CENPW: variants seen among roughly 807,000 people sequenced by gnomAD.
CENPW encodes centromere protein W.
CENPW carries 3 observed loss-of-function variants against 11.1 expected under a neutral mutation model. The observed-to-expected ratio is 0.27, with a 90% CI of 0.12 to 0.70. The LOEUF (loss-of-function observed/expected upper bound fraction) is 0.70, where lower values mean the gene tolerates loss of function less well. Ranked by LOEUF, CENPW falls within the 30% of genes least tolerant of loss-of-function variation. The pLI is 0.77. For synonymous variants in CENPW, 38 were observed against 42.0 expected, an observed-to-expected ratio of 0.91 and a Z score of 0.37; for missense variants, 100 against 105.6, an observed-to-expected ratio of 0.95 and a Z score of 0.23.
At chr6:126,417,694 C>T in the CENPW span, among the ~76,000 whole-genome samples, 2 of 152,168 alleles carry the variant, frequency 1.3e-5, no homozygotes, top group African/African-American at 4.8e-5. Flanking sequence ...CCTCCCCAGT[C>T]ACTTGGAACA....
chr6:126,477,392 A>G, the CENPW span, among the ~76,000 whole-genome samples: 5 of 152,034 alleles, frequency 3.3e-5, no homozygotes, highest in Admixed American at 6.6e-5. Flanking sequence ...TGAAATTCTA[A>G]CAGGTTTTTT....
At chr6:126,343,305 A>G (rs1204597656) in intron 1 of CENPW, among the ~76,000 whole-genome samples, 1 of 152,240 alleles carries the variant, frequency 6.6e-6, no homozygotes, top group African/African-American at 2.4e-5. Flanking sequence ...GTACCACTCA[A>G]TTAACTGTTT....
chr6:126,385,269 G>T, the CENPW span, among the ~76,000 whole-genome samples: 1 of 152,094 alleles, frequency 6.6e-6, no homozygotes, highest in Non-Finnish European at 1.5e-5. Flanking sequence ...TATACCCAAA[G>T]AAATATAAAT....
the CENPW span, among the ~76,000 whole-genome samples, chr6:126,397,532 G>A: frequency 1.3e-5 from 2 of 152,044 alleles, no homozygotes; most frequent in African/African-American, 2.4e-5. Context: ...TATTATGATT[G>A]CTCATCTCGT....
chr6:126,468,505 GTAACA>G, the CENPW span, among the ~76,000 whole-genome samples: 20 of 143,666 alleles, frequency 1.4e-4, no homozygotes, highest in Non-Finnish European at 2.6e-4. Flanking sequence ...AAACAGAAAA[GTAACA>G]TTAGAGAAAA....
At chr6:126,432,359 G>A in the CENPW span, among the ~76,000 whole-genome samples, 2 of 152,052 alleles carry the variant, frequency 1.3e-5, no homozygotes, top group Admixed American at 6.5e-5. Context: ...CTTATATCCT[G>A]TACCCTACAA....
downstream of CENPW, among the ~76,000 whole-genome samples, chr6:126,350,675 A>G (rs1780481397): frequency 6.6e-6 from 1 of 152,200 alleles, no homozygotes; most frequent in Non-Finnish European, 1.5e-5. Context: ...GATATAAGGG[A>G]AAGAATACCT....
At chr6:126,394,879 C>A in the CENPW span, among the ~76,000 whole-genome samples, 1 of 151,608 alleles carries the variant, frequency 6.6e-6, no homozygotes. Flanking sequence ...ATATGTCATG[C>A]CACTCTCTCC....
the CENPW span, among the ~76,000 whole-genome samples, chr6:126,376,424 C>A: frequency 3.3e-5 from 5 of 152,266 alleles, no homozygotes; most frequent in African/African-American, 1.2e-4. Flanking sequence ...TAGTCTTGTA[C>A]TGTTCTAAGG....
the CENPW span, among the ~76,000 whole-genome samples, chr6:126,366,851 G>C: frequency 6.6e-6 from 1 of 152,100 alleles, no homozygotes; most frequent in African/African-American, 2.4e-5. Context: ...TGCATCTAGG[G>C]AAGGTCTTCT....
At chr6:126,401,990 T>C in the CENPW span, among the ~76,000 whole-genome samples, 1 of 152,218 alleles carries the variant, frequency 6.6e-6, no homozygotes, top group Non-Finnish European at 1.5e-5. Context: ...AGTGCTCTCG[T>C]CACAGCCTCT....
chr6:126,440,380 G>A, the CENPW span, among the ~76,000 whole-genome samples: 1 of 151,710 alleles, frequency 6.6e-6, no homozygotes, highest in African/African-American at 2.4e-5. Flanking sequence ...TGACTCTATT[G>A]TATTGCAAGT....
At chr6:126,451,054 AT>A in the CENPW span, among the ~76,000 whole-genome samples, 74 of 151,202 alleles carry the variant, frequency 4.9e-4, no homozygotes, top group African/African-American at 1.7e-3. Context: ...AAAATTTCTA[AT>A]TAACATATTA....
At chr6:126,445,233 C>G in the CENPW span, among the ~76,000 whole-genome samples, 1 of 151,120 alleles carries the variant, frequency 6.6e-6, no homozygotes, top group East Asian at 1.9e-4. Flanking sequence ...TGCTTTCTCC[C>G]ATACAGGGGC....
the CENPW span, among the ~76,000 whole-genome samples, chr6:126,473,723 T>C: frequency 2.1e-5 from 3 of 143,730 alleles, no homozygotes; most frequent in East Asian, 2.0e-4. Context: ...AGAGTGAATC[T>C]CTCTCTCTCT....
At chr6:126,439,229 G>T in the CENPW span, among the ~76,000 whole-genome samples, 2 of 151,672 alleles carry the variant, frequency 1.3e-5, no homozygotes, top group Admixed American at 1.3e-4. Flanking sequence ...AAGTATTGTA[G>T]AATATGTACC....
the CENPW span, among the ~76,000 whole-genome samples, chr6:126,453,881 A>C: frequency 6.6e-6 from 1 of 151,306 alleles, no homozygotes; most frequent in Non-Finnish European, 1.5e-5. Flanking sequence ...GCAAAGAGAA[A>C]ACAGAAAAAA....
the CENPW span, among the ~76,000 whole-genome samples, chr6:126,439,315 A>G: frequency 1.3e-5 from 2 of 151,714 alleles, no homozygotes; most frequent in African/African-American, 4.8e-5. Flanking sequence ...CATGGCCTGT[A>G]GTTCATCGTA....
chr6:126,351,573 A>AT (rs1780491276), downstream of CENPW, among the ~76,000 whole-genome samples: 1 of 151,988 alleles, frequency 6.6e-6, no homozygotes, highest in Non-Finnish European at 1.5e-5. Context: ...GATTAACTGC[A>AT]TTTTTTTCTG....
Sources: allele counts gnomAD v4.1 joint callset (sites outside exome capture counted in the v4.1 genomes callset), GRCh38; gene constraint gnomAD v4.1.1; transcripts MANE v1.5; gene names NCBI Gene and HGNC (gene_info 2026-07-23, HGNC 2026-07-21).